ADAM32: variants seen among roughly 807,000 people sequenced by gnomAD.
ADAM32 encodes disintegrin and metalloproteinase domain-containing protein 32.
A neutral mutation model predicts 114.9 loss-of-function variants in ADAM32; 89 were observed. That is an observed-to-expected ratio of 0.77 (90% confidence interval 0.65 to 0.92). The LOEUF (loss-of-function observed/expected upper bound fraction) is 0.92. Ranked by LOEUF, ADAM32 falls within the 40% of genes least tolerant of loss-of-function variation. ADAM32 has a pLI of 0.00. For missense variants in ADAM32, 870 were observed against 932.8 expected (o/e 0.93, Z 0.88); for synonymous variants, 285 against 307.5 (o/e 0.93, Z 0.77).
intron 6 of ADAM32, among the ~76,000 whole-genome samples, chr8:39,151,852 C>T (rs773940806): frequency 1.2e-4 from 18 of 150,836 alleles, no homozygotes; most frequent in Non-Finnish European, 2.7e-4. Flanking sequence ...GACAGAGTCT[C>T]TACAAAAAAG....
chr8:39,211,134 T>C lies in ADAM32; in HGVS notation c.1053-10T>C. 2 of 1,524,676 alleles carry C rather than the reference T, an allele frequency of 1.3e-6. No individual in the cohort carries two copies. The highest frequency in any genetic ancestry group is 1.8e-6 in the Non-Finnish European group (2 of 1,139,448). The allele number at this position is 1,524,676 out of a possible 1,614,324, so 94.4% of individuals were successfully genotyped here. ...ATACTGCCAATGACATTATATGGATTCATCTTTAGGCAATCCAATGGTGTG... is the reference window on the plus strand; with the variant it reads ...ATACTGCCAATGACATTATATGGATCCATCTTTAGGCAATCCAATGGTGTG... On this transcript the variant is annotated splice_polypyrimidine_tract_variant and intron_variant, in intron 11 of 24. Transcript: ENST00000379907.
intron 10 of ADAM32, among the ~76,000 whole-genome samples, chr8:39,176,729 C>T (rs1805553332): frequency 1.3e-5 from 2 of 152,060 alleles, no homozygotes; most frequent in South Asian, 4.2e-4. Flanking sequence ...GAGTTCAAGT[C>T]CTGTATATCT....
chr8:39,114,153 T>A (rs922347569), intron 1 of ADAM32, among the ~76,000 whole-genome samples: 5 of 152,216 alleles, frequency 3.3e-5, no homozygotes, highest in African/African-American at 1.2e-4. Context: ...CCTATTCTGA[T>A]CAATGGACCA....
In ADAM32 at chr8:39,237,956, G is replaced by A. The variant is rs74914575; in HGVS notation, c.1818+3874G>A. ...GCTCTCTTGAAAGTGCTGTCTCTTG[G>A]CTGGAGGCCAGCCAACTCAAGCCAT... On this transcript the variant is annotated intron_variant, in intron 16 of 24. Coordinates refer to ENST00000379907, the MANE Select transcript of ADAM32 (RefSeq NM_145004.7). 5.5e-3 allele frequency among the ~76,000 whole-genome samples: 830 copies of A among 152,258 alleles called. 10 individuals carry two copies. The highest frequency in any genetic ancestry group is 0.019 in the African/African-American group (791 of 41,542).
At chr8:39,233,121 G>A (rs765042490) in intron 15 of ADAM32, among the ~76,000 whole-genome samples, 3 of 152,188 alleles carry the variant, frequency 2.0e-5, no homozygotes, top group Non-Finnish European at 4.4e-5. Context: ...CTTGGATCTT[G>A]TGGAAGAGAG....
intron 7 of ADAM32, among the ~76,000 whole-genome samples, chr8:39,162,131 G>A (rs1027373519): frequency 6.7e-6 from 1 of 149,764 alleles, no homozygotes; most frequent in Non-Finnish European, 1.5e-5. Flanking sequence ...ATTTACATTA[G>A]GTATATCTCC....
At chr8:39,123,092 T>C (rs1452430481) in intron 2 of ADAM32, among the ~76,000 whole-genome samples, 7 of 152,212 alleles carry the variant, frequency 4.6e-5, no homozygotes, top group African/African-American at 1.4e-4. Flanking sequence ...TTCCCAGCAC[T>C]GTTTGTAGAA....
rs368424322 is a variant in ADAM32 at position 39,186,989 on chromosome 8, C to T, written c.996C>T (p.Asp332=). The T allele has an allele frequency of 6.3e-5, 102 of 1,613,056 alleles. No individual in the cohort carries two copies. The highest frequency in any genetic ancestry group is 5.6e-4 in the South Asian group (51 of 91,006). Reference sequence around the variant, plus strand: ...CACTCAGTCTGGGAATATCATATGACGACCCAAAGAAATGTCAATGTTCAG... The same window carrying T: ...CACTCAGTCTGGGAATATCATATGATGACCCAAAGAAATGTCAATGTTCAG... ...MLALSLGISY[D]DPKKCQCSES... Residue 332 remains aspartate, a synonymous_variant, in exon 11 of 25, where the codon GAC becomes GAT. Coordinates refer to ENST00000379907, the MANE Select transcript of ADAM32 (RefSeq NM_145004.7).
At chr8:39,110,034 C>T (rs547220289) in intron 1 of ADAM32, among the ~76,000 whole-genome samples, 3 of 151,724 alleles carry the variant, frequency 2.0e-5, no homozygotes, top group African/African-American at 7.3e-5. Flanking sequence ...ATTTAAGGTT[C>T]TCCCATGCCT....
At chr8:39,202,575 C>A (rs1173809672) in intron 11 of ADAM32, among the ~76,000 whole-genome samples, 1 of 152,134 alleles carries the variant, frequency 6.6e-6, no homozygotes, top group Admixed American at 6.5e-5. Flanking sequence ...TTTCAAAAAA[C>A]CAGCTCCTGG....
At chr8:39,258,219 G>A (rs1811786200) in intron 19 of ADAM32, among the ~76,000 whole-genome samples, 2 of 150,352 alleles carry the variant, frequency 1.3e-5, no homozygotes, top group African/African-American at 4.9e-5. Context: ...GTTTCATTGT[G>A]GTCTCTATTT....
chr8:39,243,454 T>A (rs182018202), intron 16 of ADAM32, among the ~76,000 whole-genome samples: 24 of 152,338 alleles, frequency 1.6e-4, no homozygotes, highest in Admixed American at 1.5e-3. Flanking sequence ...GTTGGTATCA[T>A]ACCAGAGATG....
intron 7 of ADAM32, among the ~76,000 whole-genome samples, chr8:39,162,241 A>G (rs1445375583): frequency 7.3e-6 from 1 of 136,984 alleles, no homozygotes; most frequent in Non-Finnish European, 1.5e-5. Context: ...ATTCCCACCT[A>G]TGAGTGAGAA....
intron 6 of ADAM32, 138 bp downstream of exon 6, chr8:39,151,686 T>TC: frequency 1.4e-6 from 1 of 704,476 alleles, no homozygotes; most frequent in Non-Finnish European, 2.1e-6. Context: ...TTTTTTTTTT[T>TC]TTTTTCTCAC....
Position 39,275,637 on chromosome 8 carries a change from C to T in ADAM32, c.2241-191C>T, listed in dbSNP as rs138354996. ...ATTTGAAATTTAAACTTTTTATGGA[C>T]ATTGTATATGAATAAATAAAAACTT... On this transcript the variant is annotated intron_variant, in intron 21 of 24. Coordinates refer to ENST00000379907, the MANE Select transcript of ADAM32 (RefSeq NM_145004.7). 3.1e-3 allele frequency among the ~76,000 whole-genome samples: 469 copies of T among 152,266 alleles called. 3 individuals carry two copies. The highest frequency in any genetic ancestry group is 0.011 in the African/African-American group (453 of 41,568).
chr8:39,211,367 T>G, intron 12 of ADAM32, 43 bp downstream of exon 12: 1 of 1,402,212 alleles, frequency 7.1e-7, no homozygotes, highest in Non-Finnish European at 9.3e-7. Context: ...AATTTATTGT[T>G]TTAATTTATC....
intron 19 of ADAM32, among the ~76,000 whole-genome samples, chr8:39,257,653 A>G (rs1273029525): frequency 6.6e-6 from 1 of 152,134 alleles, no homozygotes; most frequent in Admixed American, 6.6e-5. Context: ...CAACAGAAGT[A>G]TTTATTAAAA....
chr8:39,231,708 T>C (rs1467452208), intron 14 of ADAM32, among the ~76,000 whole-genome samples: 1 of 152,188 alleles, frequency 6.6e-6, no homozygotes, highest in East Asian at 1.9e-4. Flanking sequence ...ACTCAGAATC[T>C]AGAAGAATGG....
At chr8:39,268,509 T>C (rs979935135) in intron 19 of ADAM32, among the ~76,000 whole-genome samples, 2 of 152,230 alleles carry the variant, frequency 1.3e-5, no homozygotes, top group African/African-American at 4.8e-5. Flanking sequence ...TCCATCATTA[T>C]ATATGTAATT....
Sources: gnomAD v4.1 joint callset for allele counts (sites outside exome capture counted in the v4.1 genomes callset) on GRCh38, gnomAD v4.1.1 for gene constraint, MANE v1.5 for transcripts, NCBI Gene and HGNC (gene_info 2026-07-23, HGNC 2026-07-21) for gene names.